Variants in TLN2 observed in about 807,000 individuals in gnomAD.
TLN2 encodes the protein talin-2.
In TLN2, 118 loss-of-function variants were observed where a neutral mutation model predicts 294.7. The observed-to-expected ratio is 0.40, with a 90% CI of 0.34 to 0.47. The LOEUF (loss-of-function observed/expected upper bound fraction) is 0.47. Among genes scored for constraint, TLN2 ranks in the 20% least tolerant of loss-of-function variants. The pLI is 0.84. For missense variants in TLN2, 3,083 were observed against 3,282.2 expected (o/e 0.94, Z 1.48); for synonymous variants, 1,431 against 1,304.5 (o/e 1.10, Z -2.09).
At chr15:62,609,390 A>G (rs2047722922) in intron 2 of TLN2, among the ~76,000 whole-genome samples, 1 of 152,230 alleles carries the variant, frequency 6.6e-6, no homozygotes, top group Non-Finnish European at 1.5e-5. Flanking sequence ...AGGTTTTACC[A>G]AATGTCCCAG....
At position 62,673,072 on chromosome 15, in the gene TLN2, T is replaced by TTGTGTGTGTGTGTGTGTGTGTGTGTG. The variant is rs60589441; in HGVS notation, c.789-753_789-728dup. Among the ~76,000 whole-genome samples, 33 of 144,900 alleles carry TTGTGTGTGTGTGTGTGTGTGTGTGTG rather than the reference T, an allele frequency of 2.3e-4. No homozygotes were observed. In the East Asian group the frequency reaches 3.0e-3, roughly 13 times the overall value. ...TATATAATGTAATATCCTAATTTAA[T>TTGTGTGTGTGTGTGTGTGTGTGTGTG]TGTGTGTGTGTGTGTGTGTGTGTGT... On this transcript the variant is annotated intron_variant, in intron 9 of 58. Transcript: ENST00000636159.
At chr15:62,691,036 GA>G (rs2057848782) in intron 12 of TLN2, among the ~76,000 whole-genome samples, 2 of 132,410 alleles carry the variant, frequency 1.5e-5, no homozygotes, top group Non-Finnish European at 3.2e-5. Context: ...GTGGGAGAGG[GA>G]GAGGGAGAGG....
chr15:62,826,867 A>AAACCCTCTTGG (rs1369544075), intron 54 of TLN2, among the ~76,000 whole-genome samples: 6 of 152,282 alleles, frequency 3.9e-5, no homozygotes, highest in Middle Eastern at 3.4e-3. Context: ...CACTTTAAAA[A>AAACCCTCTTGG]ATATATATCC....
intron 29 of TLN2, among the ~76,000 whole-genome samples, chr15:62,737,938 C>G (rs2140960627): frequency 6.6e-6 from 1 of 152,228 alleles, no homozygotes; most frequent in East Asian, 1.9e-4. Context: ...AATCACAAAA[C>G]TGTGGCTTAC....
intron 22 of TLN2, among the ~76,000 whole-genome samples, chr15:62,715,425 G>A (rs1293615354): frequency 6.6e-6 from 1 of 152,230 alleles, no homozygotes; most frequent in East Asian, 1.9e-4. Context: ...CCTGGTGAGG[G>A]AAATCTTGAT....
intron 28 of TLN2, 109 bp downstream of exon 28, chr15:62,727,298 A>C: frequency 1.0e-6 from 1 of 956,832 alleles, no homozygotes; most frequent in Non-Finnish European, 1.5e-6. Flanking sequence ...TTTTTCTCCC[A>C]GCAGTTCACC....
At chr15:62,768,441 T>C (rs2063154405) in intron 41 of TLN2, among the ~76,000 whole-genome samples, 2 of 152,186 alleles carry the variant, frequency 1.3e-5, no homozygotes, top group South Asian at 4.1e-4. Context: ...ACACTTGTTA[T>C]TGGATTTAGA....
intron 58 of TLN2, among the ~76,000 whole-genome samples, chr15:62,839,587 A>G (rs989362368): frequency 8.5e-5 from 13 of 152,188 alleles, no homozygotes; most frequent in African/African-American, 2.9e-4. Context: ...AGTGAGGAGA[A>G]AGCTCTAGGA....
intron 43 of TLN2, among the ~76,000 whole-genome samples, chr15:62,779,432 G>T (rs1204702858): frequency 2.0e-5 from 3 of 152,202 alleles, no homozygotes; most frequent in Non-Finnish European, 2.9e-5. Context: ...TAAAAGAAAG[G>T]TCATGCTAGC....
At chr15:62,543,499 T>C (rs1348466938) in intron 1 of TLN2, among the ~76,000 whole-genome samples, 1 of 151,936 alleles carries the variant, frequency 6.6e-6, no homozygotes, top group Non-Finnish European at 1.5e-5. Flanking sequence ...GGCTCACGCC[T>C]ATAATCCCAG....
Position 62,781,202 on chromosome 15 carries a change from T to G in TLN2, c.5577T>G (p.Val1859=). Residue 1859 remains valine (V), a synonymous_variant, in exon 44 of 59, where the codon GTT becomes GTG. Transcript: ENST00000636159. ...TTGTCGACTATCAGACGACTGTGGT[T>G]AAATACTCCAAAGCCATTGCGGTGA... is the stretch of plus-strand genomic sequence containing the variant. ...GTFVDYQTTV[V]KYSKAIAVTA... is the part of the protein sequence containing the mutation. 1 of 1,614,196 alleles carries G rather than the reference T, an allele frequency of 6.2e-7. No homozygotes were observed. Among genetic ancestry groups the G allele is most frequent in the East Asian group, 2.2e-5 (1 of 44,888 alleles).
At chr15:62,416,079 G>A (rs2034064117) in intron 1 of TLN2, among the ~76,000 whole-genome samples, 1 of 152,160 alleles carries the variant, frequency 6.6e-6, no homozygotes, top group African/African-American at 2.4e-5. Flanking sequence ...TGGGAAGATC[G>A]CTTGAACTCA....
intron 54 of TLN2, among the ~76,000 whole-genome samples, chr15:62,825,605 T>G (rs1478603776): frequency 6.8e-6 from 1 of 147,958 alleles, no homozygotes; most frequent in Non-Finnish European, 1.5e-5. Context: ...ATCCCAGCAG[T>G]TTGGGAGGCC....
chr15:62,769,601 GTTAA>G (rs1393766366), intron 41 of TLN2, among the ~76,000 whole-genome samples: 1 of 152,152 alleles, frequency 6.6e-6, no homozygotes, highest in African/African-American at 2.4e-5. Context: ...CACTATTAGC[GTTAA>G]TTAAGTTTTA....
chr15:62,683,265 T>C (rs965572524), intron 11 of TLN2, among the ~76,000 whole-genome samples: 2 of 152,196 alleles, frequency 1.3e-5, no homozygotes, highest in African/African-American at 4.8e-5. Context: ...GCAGAGGTGA[T>C]GCAGAATCAG....
intron 52 of TLN2, among the ~76,000 whole-genome samples, chr15:62,815,853 T>C (rs890658854): frequency 6.6e-6 from 1 of 152,242 alleles, no homozygotes; most frequent in African/African-American, 2.4e-5. Flanking sequence ...CCAATAATAA[T>C]ACATTTTGTA....
intron 1 of TLN2, among the ~76,000 whole-genome samples, chr15:62,538,740 A>G (rs1441999518): frequency 6.6e-6 from 1 of 152,220 alleles, no homozygotes; most frequent in African/African-American, 2.4e-5. Context: ...CTATGTAAGG[A>G]AGTATATATC....
chr15:62,833,901 C>T (rs1567708628), intron 55 of TLN2: 4 of 356,982 alleles, frequency 1.1e-5, no homozygotes, highest in East Asian at 9.7e-5. Context: ...TATTTATATT[C>T]CCACTGTACA....
At position 62,722,597 on chromosome 15, in the gene TLN2, A is replaced by G. The variant is rs1358180989; in HGVS notation, c.3126+110A>G. Reference sequence around the variant, plus strand: ...AACCTATTTCTTGGCAAAGTTGTCCATTCTACTTGCATGACTATTAAAGAT... The same window carrying G: ...AACCTATTTCTTGGCAAAGTTGTCCGTTCTACTTGCATGACTATTAAAGAT... On this transcript the variant is annotated intron_variant, in intron 26 of 58. Transcript: ENST00000636159. The G allele has an allele frequency of 6.7e-6, 9 of 1,337,188 alleles. 1 individual carries two copies. The South Asian group carries it at 1.7e-4, about 26-fold the overall frequency. 82.8% of individuals were successfully genotyped at this position (1,337,188 alleles called of 1,614,324 possible).
Sources: gnomAD v4.1 joint callset for allele counts (sites outside exome capture counted in the v4.1 genomes callset) on GRCh38, gnomAD v4.1.1 for gene constraint, MANE v1.5 for transcripts, NCBI Gene and HGNC (gene_info 2026-07-23, HGNC 2026-07-21) for gene names.